The following CCNY variants were observed in gnomAD, a reference collection of about 807,000 sequenced individuals.
The protein encoded by CCNY is cyclin Y.
A neutral mutation model predicts 42.8 loss-of-function variants in CCNY; 19 were observed. The observed-to-expected ratio is 0.44, with a 90% CI of 0.31 to 0.65. CCNY has a LOEUF of 0.65. CCNY is among the 30% of genes least tolerant of loss of function. CCNY has a pLI of 0.07. For synonymous variants in CCNY, 165 were observed against 162.7 expected (o/e 1.01, Z -0.11); for missense variants, 370 against 437.3 (o/e 0.85, Z 1.37).
chr10:35,270,069 T>C (rs1395619710), intron 3 of CCNY, among the ~76,000 whole-genome samples: 1 of 152,188 alleles, frequency 6.6e-6, no homozygotes, highest in Non-Finnish European at 1.5e-5. Context: ...ATGACCTTTA[T>C]TGTCCATATT....
chr10:35,467,130 T>C (rs182767888), intron 1 of CCNY, among the ~76,000 whole-genome samples: 12 of 152,352 alleles, frequency 7.9e-5, no homozygotes, highest in Admixed American at 2.6e-4. Flanking sequence ...TAGGTGTGAA[T>C]AATTGTATGT....
intron 1 of CCNY, among the ~76,000 whole-genome samples, chr10:35,436,451 A>G (rs1589120454): frequency 6.6e-6 from 1 of 152,098 alleles, no homozygotes; most frequent in East Asian, 1.9e-4. Flanking sequence ...AAGGGTTTCC[A>G]GTTAGTCTTT....
At chr10:35,280,397 G>T (rs1305683501) in intron 3 of CCNY, among the ~76,000 whole-genome samples, 1 of 149,602 alleles carries the variant, frequency 6.7e-6, no homozygotes, top group African/African-American at 2.5e-5. Flanking sequence ...AAGGAAGAAG[G>T]AAAGGAAGGA....
intron 1 of CCNY, among the ~76,000 whole-genome samples, chr10:35,474,820 A>T (rs1262579640): frequency 6.6e-6 from 1 of 152,256 alleles, no homozygotes. Flanking sequence ...GAGCTGAGAG[A>T]AGAAGTCTTC....
intron 1 of CCNY, among the ~76,000 whole-genome samples, chr10:35,444,733 A>C (rs117667964): frequency 2.0e-5 from 3 of 152,256 alleles, no homozygotes; most frequent in Admixed American, 6.5e-5. Flanking sequence ...TGCATGACTG[A>C]ATTTTTGTTT....
intron 3 of CCNY, among the ~76,000 whole-genome samples, chr10:35,503,528 T>C (rs1840153991): frequency 6.6e-6 from 1 of 152,126 alleles, no homozygotes; most frequent in South Asian, 2.1e-4. Context: ...CAGATTCAAT[T>C]AGGCTAATAA....
chr10:35,473,637 G>T (rs1361388947), intron 1 of CCNY, among the ~76,000 whole-genome samples: 1 of 152,214 alleles, frequency 6.6e-6, no homozygotes, highest in Non-Finnish European at 1.5e-5. Context: ...ATAATAAACT[G>T]TTAGAGCTGA....
chr10:35,304,663 A>C (rs1038476302), intron 3 of CCNY, among the ~76,000 whole-genome samples: 1 of 152,178 alleles, frequency 6.6e-6, no homozygotes, highest in African/African-American at 2.4e-5. Flanking sequence ...AGGTTTTCTC[A>C]GCCACAGTAC....
chr10:35,516,472 G>A (rs1057056322), intron 3 of CCNY, 51 bp from the exon 4 acceptor site: 4 of 1,267,966 alleles, frequency 3.2e-6, no homozygotes, highest in Non-Finnish European at 4.6e-6. Flanking sequence ...TTTCTTGGAA[G>A]AATTCTGAGC....
chr10:35,291,337 C>T (rs1564359962), intron 3 of CCNY, among the ~76,000 whole-genome samples: 1 of 151,990 alleles, frequency 6.6e-6, no homozygotes, highest in Non-Finnish European at 1.5e-5. Flanking sequence ...GCTTCTTTCA[C>T]TTAGCATGAT....
At chr10:35,353,563 G>C (rs1836472849) in intron 1 of CCNY, among the ~76,000 whole-genome samples, 1 of 152,210 alleles carries the variant, frequency 6.6e-6, no homozygotes, top group African/African-American at 2.4e-5. Flanking sequence ...TCATGTTACA[G>C]ATAGGACAGC....
chr10:35,488,476 G>C (rs976490177), intron 2 of CCNY, among the ~76,000 whole-genome samples: 6 of 152,080 alleles, frequency 3.9e-5, no homozygotes, highest in African/African-American at 9.7e-5. Flanking sequence ...TCTTTGGCTC[G>C]TTCGTGTGTG....
At chr10:35,411,512 CAAAAAAAAAAAAAA>C (rs59117826) in intron 1 of CCNY, among the ~76,000 whole-genome samples, 3 of 61,394 alleles carry the variant, frequency 4.9e-5, no homozygotes, top group Non-Finnish European at 9.2e-5. Flanking sequence ...AAGACTCTGT[CAAAAAAAAAAAAAA>C]AAAAAAAAAG....
chr10:35,475,509 C>T (rs994274285), intron 1 of CCNY, among the ~76,000 whole-genome samples: 2 of 151,854 alleles, frequency 1.3e-5, no homozygotes, highest in African/African-American at 2.4e-5. Context: ...AAAGAATTTT[C>T]AACCCAGAAT....
intron 3 of CCNY, among the ~76,000 whole-genome samples, chr10:35,290,831 TAAAAC>T (rs1835405201): frequency 6.6e-6 from 1 of 151,660 alleles, no homozygotes; most frequent in African/African-American, 2.4e-5. Flanking sequence ...AAACAAAACA[TAAAAC>T]AAAAACACAA....
At chr10:35,525,908 G>A in intron 4 of CCNY, 56 bp from the exon 5 acceptor site, 1 of 1,489,866 alleles carries the variant, frequency 6.7e-7, no homozygotes, top group Non-Finnish European at 9.3e-7. Flanking sequence ...GCCAGGTAAT[G>A]TGTAAGGTCT....
chr10:35,480,649 T>G (rs1360232108), intron 1 of CCNY, among the ~76,000 whole-genome samples: 2 of 152,086 alleles, frequency 1.3e-5, no homozygotes, highest in African/African-American at 4.8e-5. Flanking sequence ...TCACAAGTAG[T>G]TTTTAAACAA....
At chr10:35,267,155 A>C (rs1472972291) in intron 3 of CCNY, among the ~76,000 whole-genome samples, 1 of 151,190 alleles carries the variant, frequency 6.6e-6, no homozygotes, top group Non-Finnish European at 1.5e-5. Context: ...TAAGAGAGTC[A>C]TTCCAGGACG....
At chr10:35,247,319 C>T (rs1167245871) in intron 1 of CCNY, among the ~76,000 whole-genome samples, 4 of 152,136 alleles carry the variant, frequency 2.6e-5, no homozygotes, top group Non-Finnish European at 5.9e-5. Flanking sequence ...TAGGGCCAGG[C>T]ACAGTGGCTC....
Sources: gnomAD v4.1 joint callset for allele counts (sites outside exome capture counted in the v4.1 genomes callset) on GRCh38, gnomAD v4.1.1 for gene constraint, MANE v1.5 for transcripts, NCBI Gene and HGNC (gene_info 2026-07-23, HGNC 2026-07-21) for gene names.